Variants in LTBR observed in about 807,000 individuals in gnomAD.
The protein encoded by LTBR is lymphotoxin beta receptor, also known as tumor necrosis factor receptor superfamily member 3.
LTBR carries 15 observed loss-of-function variants against 45.4 expected under a neutral mutation model. The ratio of observed to expected loss-of-function variants is 0.33; its 90% CI spans 0.22 to 0.51. The LOEUF is 0.51. Ranked by LOEUF, LTBR falls within the 20% of genes least tolerant of loss-of-function variation. LTBR has a pLI of 0.97. For synonymous variants in LTBR, 228 were observed against 231.0 expected (o/e 0.99, Z 0.12); for missense variants, 450 against 565.5 (o/e 0.80, Z 2.07).
chr12:6,382,688 C>T (rs1948996287), upstream of LTBR, among the ~76,000 whole-genome samples: 1 of 152,216 alleles, frequency 6.6e-6, no homozygotes, highest in South Asian at 2.1e-4. Flanking sequence ...CAGGTCCTTT[C>T]CCCCTTTTGT....
Position 6,386,516 on chromosome 12 carries a change from A to T in LTBR, c.667+72A>T, listed in dbSNP as rs1191332636. 8.3e-7 allele frequency: 1 copy of T among 1,203,854 alleles called. No individual in the cohort carries two copies. Among genetic ancestry groups the T allele is most frequent in the Non-Finnish European group, 1.2e-6 (1 of 831,902 alleles). 74.6% of individuals were successfully genotyped at this position (1,203,854 alleles called of 1,614,324 possible). A position where few individuals can be genotyped will look rare whatever the true frequency, so the allele number is the denominator to read the frequency against. On this transcript the variant is annotated intron_variant, in intron 6 of 9. Transcript: ENST00000228918. The surrounding 1 kb of genome is among the most constrained non-coding windows in gnomAD (Gnocchi z 4.1). ...GCCTTAATGCTCCACATCTTAAAAA[A>T]AATGGGGAAAAGATGAACACTTCCC...
upstream of LTBR, among the ~76,000 whole-genome samples, chr12:6,379,280 A>C (rs1313551019): frequency 6.6e-6 from 1 of 152,104 alleles, no homozygotes; most frequent in Non-Finnish European, 1.5e-5. Context: ...CGTCTTTCCT[A>C]GTTTATCTTT....
upstream of LTBR, among the ~76,000 whole-genome samples, chr12:6,380,260 C>T (rs1455970534): frequency 1.3e-5 from 2 of 152,204 alleles, no homozygotes; most frequent in Non-Finnish European, 2.9e-5. Flanking sequence ...ACTGAAAATG[C>T]AAATACTCTG....
At chr12:6,381,555 C>T (rs760877008), upstream of LTBR, among the ~76,000 whole-genome samples, 5 of 152,314 alleles carry the variant, frequency 3.3e-5, no homozygotes, top group East Asian at 1.9e-4. Context: ...CGCCAGCTTA[C>T]GGCTGGCAGC....
At chr12:6,384,540 C>G (rs781215991) in intron 1 of LTBR, 48 bp from the exon 2 acceptor site, 1 of 1,609,210 alleles carries the variant, frequency 6.2e-7, no homozygotes, top group Non-Finnish European at 8.5e-7. Context: ...CCCTCCCAAG[C>G]TGACCCCTGA....
chr12:6,377,508 A>G, intron 1 of LTBR: 1 of 691,378 alleles, frequency 1.4e-6, no homozygotes, highest in Non-Finnish European at 2.4e-6. Context: ...AAAGCCGGGA[A>G]GGCCTCCCTC....
chr12:6,377,475 G>A, intron 1 of LTBR: 1 of 655,108 alleles, frequency 1.5e-6, no homozygotes, highest in Non-Finnish European at 2.6e-6. Context: ...TGGGGGATCG[G>A]GGCTCAGGTG....
chr12:6,377,691 A>G (rs1458094211), intron 1 of LTBR: 2 of 1,295,804 alleles, frequency 1.5e-6, no homozygotes, highest in Non-Finnish European at 2.0e-6. Flanking sequence ...TCCCTGCAAT[A>G]AGGTGCTCAG....
chr12:6,382,395 A>G (rs552547545), upstream of LTBR, among the ~76,000 whole-genome samples: 3 of 152,174 alleles, frequency 2.0e-5, no homozygotes, highest in Admixed American at 6.5e-5. Context: ...CTTTTGGTAT[A>G]TTATCTTGCA....
intron 8 of LTBR, chr12:6,389,663 G>A (rs894797398): frequency 1.9e-5 from 3 of 156,690 alleles, no homozygotes; most frequent in South Asian, 1.9e-4. Flanking sequence ...TTAGCTGGGC[G>A]TGGTGGCAGG....
chr12:6,386,784 A>T lies in LTBR; in HGVS notation c.667+340A>T. 1 of 227,486 alleles carries T rather than the reference A, an allele frequency of 4.4e-6. No individual in the cohort carries two copies. The highest frequency in any genetic ancestry group is 9.2e-5 in the South Asian group (1 of 10,904). 14.1% of individuals were successfully genotyped at this position (227,486 alleles called of 1,614,324 possible). ...ACACAATCCATTAACTAGACCAAAC[A>T]CCTCTTTATTAGACTATATACTTTT... On this transcript the variant is annotated intron_variant, in intron 6 of 9. Transcript: ENST00000228918. The surrounding 1 kb of genome is among the most constrained non-coding windows in gnomAD (Gnocchi z 4.1).
At chr12:6,387,683 G>A (rs1052636998) in intron 6 of LTBR, 7 of 280,908 alleles carry the variant, frequency 2.5e-5, no homozygotes, top group Non-Finnish European at 4.4e-5. Context: ...ACGGACACTG[G>A]AGGCTCCATG....
Position 6,385,214 on chromosome 12 carries a change from G to A in LTBR, c.320-13G>A, listed in dbSNP as rs749630743. 5.1e-5 allele frequency: 82 copies of A among 1,613,854 alleles called. No homozygotes were observed. The highest frequency in any genetic ancestry group is 1.8e-4 in the East Asian group (8 of 44,878). On this transcript the variant is annotated splice_polypyrimidine_tract_variant and intron_variant, in intron 3 of 9. Coordinates refer to ENST00000228918, the MANE Select transcript of LTBR (RefSeq NM_002342.3). ...GCTTGGCCCCTCCCTGAGCCCTCCC[G>A]TCTCCCCGCCAGTGATGGGCCTCGA... is the stretch of plus-strand genomic sequence containing the variant.
Position 6,388,113 on chromosome 12 carries a change from G to T in LTBR, c.668-285G>T. 2.3e-6 allele frequency: 1 copy of T among 425,894 alleles called. No homozygotes were observed. The highest frequency in any genetic ancestry group is 4.4e-6 in the Non-Finnish European group (1 of 225,856). 26.4% of individuals were successfully genotyped at this position (425,894 alleles called of 1,614,324 possible). Reference sequence around the variant, plus strand: ...GCACACACAAGCCTGCCCAATCCTGGTCTCTGAGCAGGAGGGCACCCACAC... The same window carrying T: ...GCACACACAAGCCTGCCCAATCCTGTTCTCTGAGCAGGAGGGCACCCACAC... On this transcript the variant is annotated intron_variant, in intron 6 of 9. Transcript: ENST00000228918. This position sits in a 1 kb window ranked among gnomAD's most constrained non-coding sequence, Gnocchi z 4.3.
upstream of LTBR, chr12:6,375,296 C>T (rs965148880): frequency 5.6e-6 from 8 of 1,438,556 alleles, no homozygotes; most frequent in East Asian, 2.5e-5. Context: ...CTTCCTCTCC[C>T]CCCCTTGCCT....
At chr12:6,379,023 G>A (rs1220494891) in intron 1 of LTBR, among the ~76,000 whole-genome samples, 2 of 152,154 alleles carry the variant, frequency 1.3e-5, no homozygotes. Context: ...TCCGCGGACA[G>A]GAGATGACGG....
chr12:6,384,680 G>T lies in LTBR; in HGVS notation c.189G>T (p.Pro63=). The T allele has an allele frequency of 1.2e-6, 2 of 1,614,046 alleles. No homozygotes were observed. Among genetic ancestry groups the T allele is most frequent in the Non-Finnish European group, 1.7e-6 (2 of 1,179,910 alleles). The change falls in exon 2 of 10, where the codon CCG becomes CCT. Residue 63 remains proline, a synonymous_variant. Coordinates refer to ENST00000228918, the MANE Select transcript of LTBR (RefSeq NM_002342.3). The part of the protein sequence containing the change: ...PQHRICCSRC[P]PGTYVSAKCS... ...ACCGCATCTGCTGCTCCCGCTGCCCGCCAGGTGAGAGGCAATGGCAGGACG... is the reference window on the plus strand; with the variant it reads ...ACCGCATCTGCTGCTCCCGCTGCCCTCCAGGTGAGAGGCAATGGCAGGACG...
chr12:6,384,802 A>C, intron 2 of LTBR, 118 bp downstream of exon 2: 1 of 1,114,604 alleles, frequency 9.0e-7, no homozygotes, highest in Non-Finnish European at 1.3e-6. Flanking sequence ...GCTGCTGGAG[A>C]CGAGCGTGGG....
At chr12:6,378,532 T>C (rs575498691) in intron 1 of LTBR, among the ~76,000 whole-genome samples, 1 of 150,728 alleles carries the variant, frequency 6.6e-6, no homozygotes, top group South Asian at 2.1e-4. Flanking sequence ...CCTGAGAAAA[T>C]GAAAGGGCAA....
Sources: gnomAD v4.1 joint callset for allele counts (sites outside exome capture counted in the v4.1 genomes callset) on GRCh38, gnomAD v4.1.1 for gene constraint, Gnocchi (gnomAD v3.1) non-coding constraint, MANE v1.5 for transcripts, NCBI Gene and HGNC (gene_info 2026-07-23, HGNC 2026-07-21) for gene names.